NEXMIF: variants seen among roughly 807,000 people sequenced by gnomAD.
NEXMIF encodes the protein XLMR protein related to neurite extension.
NEXMIF carries 8 observed loss-of-function variants against 62.1 expected under a neutral mutation model. The ratio of observed to expected loss-of-function variants is 0.13; its 90% CI spans 0.08 to 0.23. The LOEUF (loss-of-function observed/expected upper bound fraction) is 0.23. Among genes scored for constraint, NEXMIF ranks in the 10% least tolerant of loss-of-function variants. NEXMIF has a pLI of 1.00. For missense variants in NEXMIF, 976 were observed against 1,113.3 expected (o/e 0.88, Z 1.75); for synonymous variants, 404 against 416.6 (o/e 0.97, Z 0.37).
intron 1 of NEXMIF, among the ~76,000 whole-genome samples, chrX:74,878,147 T>C (rs893654383): frequency 2.7e-5 from 3 of 111,467 alleles, no homozygotes; most frequent in Non-Finnish European, 5.7e-5. Context: ...TTGATGATGG[T>C]GATGTACAGA....
At chrX:74,746,960 A>C (rs778315581) in intron 1 of NEXMIF, among the ~76,000 whole-genome samples, 2 of 112,612 alleles carry the variant, frequency 1.8e-5, no homozygotes, top group East Asian at 5.6e-4. Context: ...GAGTTTTAAA[A>C]GATGGAGAGG....
At position 74,789,309 on chromosome X, in the gene NEXMIF, A is replaced by C. The variant is rs1166230190; in HGVS notation, c.-47-43612T>G. ...TCCCTACAAAGGACATGAACTCATCATTTTTTATGGCTGCATAGTATTCCA... is the reference window on the plus strand; with the variant it reads ...TCCCTACAAAGGACATGAACTCATCCTTTTTTATGGCTGCATAGTATTCCA... On this transcript the variant is annotated intron_variant, in intron 1 of 3. Transcript: ENST00000055682. Among the ~76,000 whole-genome samples the C allele has an allele frequency of 3.7e-3, 394 of 105,862 alleles. 1 individual carries two copies. The highest frequency in any genetic ancestry group is 5.6e-3 in the Non-Finnish European group (290 of 51,358). 91.9% of individuals were successfully genotyped at this position (105,862 alleles called of 115,157 possible).
chrX:74,775,297 T>C (rs781352775), intron 1 of NEXMIF, among the ~76,000 whole-genome samples: 3 of 112,111 alleles, frequency 2.7e-5, no homozygotes, highest in Admixed American at 9.5e-5. Flanking sequence ...CACTCAGATA[T>C]GGCATTCTCA....
chrX:74,741,012 C>T lies in NEXMIF; in HGVS notation c.3545G>A (p.Ser1182Asn). Residue 1182 changes from serine (S) to asparagine (N), a missense_variant, in exon 3 of 4, where the codon AGC becomes AAC. Coordinates refer to ENST00000055682, the MANE Select transcript of NEXMIF (RefSeq NM_001008537.3). ...VSKSRKKSSP[S>N]KSGAMNQSSS... Reference sequence around the variant, plus strand: ...GCTTTGGTTCATAGCCCCACTCTTGCTGGGTGAACTTTTCTTTCTTGATTT... The same window carrying T: ...GCTTTGGTTCATAGCCCCACTCTTGTTGGGTGAACTTTTCTTTCTTGATTT... 2 of 1,211,115 alleles carry T rather than the reference C, an allele frequency of 1.7e-6. No homozygotes were observed. Among genetic ancestry groups the T allele is most frequent in the Non-Finnish European group, 2.2e-6 (2 of 895,114 alleles).
intron 1 of NEXMIF, among the ~76,000 whole-genome samples, chrX:74,821,814 C>A (rs923242108): frequency 1.8e-5 from 2 of 111,775 alleles, no homozygotes; most frequent in East Asian, 5.6e-4. Context: ...ACTGCAGCCT[C>A]CACCTCTGGT....
chrX:74,758,565 T>G (rs1012255563), intron 1 of NEXMIF, among the ~76,000 whole-genome samples: 1 of 110,997 alleles, frequency 9.0e-6, no homozygotes, highest in African/African-American at 3.3e-5. Flanking sequence ...CCTCCCTCCC[T>G]CCACCCTCAA....
chrX:74,842,154 G>A, intron 1 of NEXMIF, among the ~76,000 whole-genome samples: 1 of 111,294 alleles, frequency 9.0e-6, no homozygotes, highest in East Asian at 2.8e-4. Context: ...TTCAATTTTG[G>A]AGCTTGTTAT....
intron 1 of NEXMIF, among the ~76,000 whole-genome samples, chrX:74,863,702 T>C (rs975212170): frequency 8.9e-6 from 1 of 112,014 alleles, no homozygotes; most frequent in Non-Finnish European, 1.9e-5. Flanking sequence ...GCTGGTACCA[T>C]TTCTTCTGAA....
intron 1 of NEXMIF, among the ~76,000 whole-genome samples, chrX:74,915,620 T>C (rs1272910538): frequency 1.8e-5 from 2 of 111,960 alleles, no homozygotes; most frequent in Non-Finnish European, 3.8e-5. Flanking sequence ...TATCCCAGAT[T>C]ATCCATCCAG....
In NEXMIF at chrX:74,880,061, G is replaced by C. The variant is rs935986276; in HGVS notation, c.-48+44822C>G. On this transcript the variant is annotated intron_variant, in intron 1 of 3. Transcript: ENST00000055682. ...CTCACCATTGAACTGTATCACATTTGCTAATGGCTGCCAGGCTCAACCATA... is the reference window on the plus strand; with the variant it reads ...CTCACCATTGAACTGTATCACATTTCCTAATGGCTGCCAGGCTCAACCATA... 3.6e-5 allele frequency among the ~76,000 whole-genome samples: 4 copies of C among 112,053 alleles called. No individual in the cohort carries two copies. In the East Asian group the frequency reaches 1.1e-3, roughly 31 times the overall value.
At chrX:74,835,753 G>A (rs2080454124) in intron 1 of NEXMIF, among the ~76,000 whole-genome samples, 1 of 111,227 alleles carries the variant, frequency 9.0e-6, no homozygotes, top group Admixed American at 9.6e-5. Context: ...AAGGTCTGCT[G>A]AAACCACTAC....
At chrX:74,871,257 T>C (rs1268799297) in intron 1 of NEXMIF, among the ~76,000 whole-genome samples, 2 of 111,494 alleles carry the variant, frequency 1.8e-5, no homozygotes, top group Admixed American at 9.6e-5. Flanking sequence ...AGGACCATGA[T>C]GGTGACCTCA....
intron 1 of NEXMIF, among the ~76,000 whole-genome samples, chrX:74,905,466 G>A (rs930594041): frequency 1.8e-5 from 2 of 112,135 alleles, no homozygotes; most frequent in Admixed American, 9.5e-5. Context: ...AGAGATCCAA[G>A]TATTTCTTAT....
intron 1 of NEXMIF, among the ~76,000 whole-genome samples, chrX:74,872,852 T>C (rs940616471): frequency 1.2e-4 from 13 of 110,089 alleles, no homozygotes; most frequent in Non-Finnish European, 1.9e-4. Context: ...TTAAAAATAT[T>C]ATAATGGAGT....
Position 74,834,858 on chromosome X carries a change from A to C in NEXMIF, c.-47-89161T>G, listed in dbSNP as rs183111377. 3.4e-3 allele frequency among the ~76,000 whole-genome samples: 378 copies of C among 111,657 alleles called. 2 individuals carry two copies. Among genetic ancestry groups the C allele is most frequent in the African/African-American group, 0.012 (360 of 30,746 alleles). On this transcript the variant is annotated intron_variant, in intron 1 of 3. Coordinates refer to ENST00000055682, the MANE Select transcript of NEXMIF (RefSeq NM_001008537.3). ...CTGATATATTTCCGTAGGTTTGGGA[A>C]GTTCTTTGATATTATCCCCCTGAAT...
chrX:74,851,490 G>A (rs2080513352), intron 1 of NEXMIF, among the ~76,000 whole-genome samples: 1 of 110,618 alleles, frequency 9.0e-6, no homozygotes. Flanking sequence ...AAAGCATCTA[G>A]CCACTTATAA....
chrX:74,902,198 G>A (rs1030364626), intron 1 of NEXMIF, among the ~76,000 whole-genome samples: 1 of 109,886 alleles, frequency 9.1e-6, no homozygotes, highest in African/African-American at 3.3e-5. Flanking sequence ...ACCATTTTCA[G>A]TATTTCAGAA....
intron 1 of NEXMIF, among the ~76,000 whole-genome samples, chrX:74,811,328 T>G (rs1301392661): frequency 9.0e-6 from 1 of 111,498 alleles, no homozygotes; most frequent in East Asian, 2.8e-4. Flanking sequence ...TCCCCTTCCA[T>G]TTTCCCTTTC....
chrX:74,872,232 T>A (rs2080604341), intron 1 of NEXMIF, among the ~76,000 whole-genome samples: 1 of 110,844 alleles, frequency 9.0e-6, no homozygotes, highest in Admixed American at 9.7e-5. Flanking sequence ...CATAATGGAG[T>A]GCTACTGGGC....
Sources: allele counts gnomAD v4.1 joint callset (sites outside exome capture counted in the v4.1 genomes callset), GRCh38; gene constraint gnomAD v4.1.1; transcripts MANE v1.5; gene names NCBI Gene and HGNC (gene_info 2026-07-23, HGNC 2026-07-21).